TNNI3K: variants seen among roughly 807,000 people sequenced by gnomAD.
TNNI3K encodes serine/threonine-protein kinase TNNI3K.
Under a neutral mutation model 114.5 loss-of-function variants are expected in TNNI3K, and 140 were observed. The observed-to-expected ratio is 1.22, with a 90% CI of 1.07 to 1.41. TNNI3K has a LOEUF of 1.41. Among genes scored for constraint, TNNI3K ranks in the 40% most tolerant of loss-of-function variants. TNNI3K has a pLI of 0.00. For missense variants in TNNI3K, 1,125 were observed against 1,007.6 expected (o/e 1.12, Z -1.58); for synonymous variants, 347 against 347.5 (o/e 1.00, Z 0.02).
At chr1:74,291,064 G>A (rs1041126728) in intron 5 of TNNI3K, among the ~76,000 whole-genome samples, 1 of 151,534 alleles carries the variant, frequency 6.6e-6, no homozygotes, top group Non-Finnish European at 1.5e-5. Flanking sequence ...TGCATGCAAC[G>A]ACCACCAGTT....
intron 23 of TNNI3K, among the ~76,000 whole-genome samples, chr1:74,530,864 C>T (rs1646573574): frequency 6.6e-6 from 1 of 151,982 alleles, no homozygotes; most frequent in Non-Finnish European, 1.5e-5. Flanking sequence ...CTCATTTATA[C>T]CTGCTTAAAT....
At chr1:74,331,425 TA>T in intron 5 of TNNI3K, 24 bp from the exon 6 acceptor site, 2 of 1,607,704 alleles carry the variant, frequency 1.2e-6, no homozygotes, top group Non-Finnish European at 1.7e-6. Context: ...CTGAAGTTCT[TA>T]ACCATAATCA....
chr1:74,359,386 T>A (rs1661833753), intron 11 of TNNI3K, among the ~76,000 whole-genome samples: 1 of 152,002 alleles, frequency 6.6e-6, no homozygotes. Flanking sequence ...CTTTCCTAAT[T>A]TATAACATGT....
At position 74,436,524 on chromosome 1, in the gene TNNI3K, G is replaced by A. The variant is rs1387405237; in HGVS notation, c.1876G>A (p.Gly626Arg). ...LDEDNMTKQP[G>R]NLRWMAPEVF... Reference sequence around the variant, plus strand: ...TGAAGACAACATGACAAAACAACCTGGGGTTTGCTGCTGCTTGTGTTTCCT... The same window carrying A: ...TGAAGACAACATGACAAAACAACCTAGGGTTTGCTGCTGCTTGTGTTTCCT... The change falls in exon 19 of 25, where the codon GGG becomes AGG. Residue 626 changes from glycine to arginine, a missense_variant and splice_region_variant. Physicochemically the swap from Gly to Arg is moderately radical, Grantham distance 125. Coordinates refer to ENST00000326637, the MANE Select transcript of TNNI3K (RefSeq NM_015978.3). 6.3e-7 allele frequency: 1 copy of A among 1,583,966 alleles called. No homozygotes were observed. The highest frequency in any genetic ancestry group is 2.0e-5 in the Admixed American group (1 of 50,696).
chr1:74,416,289 A>G (rs1031337484), intron 17 of TNNI3K: 1 of 985,368 alleles, frequency 1.0e-6, no homozygotes, highest in Non-Finnish European at 1.2e-6. Flanking sequence ...GTGATAATAA[A>G]CTTGTATGTC....
At chr1:74,306,011 C>A (rs1002826432) in intron 5 of TNNI3K, among the ~76,000 whole-genome samples, 2 of 152,148 alleles carry the variant, frequency 1.3e-5, no homozygotes, top group Non-Finnish European at 2.9e-5. Context: ...TTGTTCACCT[C>A]CCTTATTCCT....
At chr1:74,446,129 T>C (rs1666658646) in intron 20 of TNNI3K, among the ~76,000 whole-genome samples, 1 of 152,110 alleles carries the variant, frequency 6.6e-6, no homozygotes, top group Non-Finnish European at 1.5e-5. Flanking sequence ...ACTTCCACAA[T>C]GGTTTAACTA....
At position 74,366,125 on chromosome 1, in the gene TNNI3K, G is replaced by A. The variant is rs578099817; in HGVS notation, c.1178-1131G>A. Among the ~76,000 whole-genome samples, 66 of 152,038 alleles carry A rather than the reference G, an allele frequency of 4.3e-4. No homozygotes were observed. The Middle Eastern group carries it at 0.01, about 24-fold the overall frequency. On this transcript the variant is annotated intron_variant, in intron 11 of 24. Transcript: ENST00000326637. ...ATCTCAGCATATACTCTCTACATAA[G>A]CTAGATGTATGCTTAACCCATGTTA...
At chr1:74,435,688 GT>G (rs1419280696) in intron 17 of TNNI3K, among the ~76,000 whole-genome samples, 4 of 152,010 alleles carry the variant, frequency 2.6e-5, no homozygotes, top group South Asian at 2.1e-4. Flanking sequence ...TGTGCCTAGG[GT>G]TCCAGCAAGC....
intron 17 of TNNI3K, among the ~76,000 whole-genome samples, chr1:74,380,097 A>G (rs1431431382): frequency 1.3e-5 from 2 of 152,146 alleles, no homozygotes; most frequent in Non-Finnish European, 2.9e-5. Context: ...GGACAAATTT[A>G]CCATCTCTTA....
intron 20 of TNNI3K, among the ~76,000 whole-genome samples, chr1:74,446,258 A>G (rs1295319674): frequency 6.7e-6 from 1 of 150,366 alleles, no homozygotes; most frequent in Admixed American, 6.6e-5. Flanking sequence ...GGTATCTCAT[A>G]GTGGTTTTGA....
intron 5 of TNNI3K, among the ~76,000 whole-genome samples, chr1:74,291,001 C>T (rs1657644864): frequency 6.6e-6 from 1 of 151,696 alleles, no homozygotes; most frequent in Non-Finnish European, 1.5e-5. Flanking sequence ...AATATATGCA[C>T]ACACATAAAG....
chr1:74,316,449 TCATTC>T (rs1557492865), intron 5 of TNNI3K, among the ~76,000 whole-genome samples: 1 of 152,172 alleles, frequency 6.6e-6, no homozygotes, highest in Non-Finnish European at 1.5e-5. Context: ...CTTTTTATAT[TCATTC>T]CTCTTCAACC....
intron 17 of TNNI3K, among the ~76,000 whole-genome samples, chr1:74,416,126 A>C (rs1037666317): frequency 1.3e-5 from 2 of 152,174 alleles, no homozygotes; most frequent in African/African-American, 4.8e-5. Context: ...TCACCAGAGT[A>C]TCTCTGGTTC....
chr1:74,531,417 C>G (rs1321095308), intron 23 of TNNI3K, among the ~76,000 whole-genome samples: 1 of 152,110 alleles, frequency 6.6e-6, no homozygotes, highest in Non-Finnish European at 1.5e-5. Flanking sequence ...AAGTAAATTC[C>G]TGTCTCTAAT....
chr1:74,538,989 G>A (rs1304932339), intron 23 of TNNI3K, among the ~76,000 whole-genome samples: 2 of 152,062 alleles, frequency 1.3e-5, no homozygotes, highest in Non-Finnish European at 2.9e-5. Flanking sequence ...TTTTAAGTAG[G>A]TGAATGATGT....
chr1:74,385,437 G>A (rs1663423405), intron 17 of TNNI3K, among the ~76,000 whole-genome samples: 3 of 152,134 alleles, frequency 2.0e-5, no homozygotes, highest in Non-Finnish European at 4.4e-5. Flanking sequence ...ACAAAAATGT[G>A]AAAATCTTAG....
At chr1:74,333,138 C>G in intron 6 of TNNI3K, among the ~76,000 whole-genome samples, 1 of 152,162 alleles carries the variant, frequency 6.6e-6, no homozygotes, top group East Asian at 1.9e-4. Flanking sequence ...CACAGCACCA[C>G]CTGAGGGTTC....
intron 20 of TNNI3K, among the ~76,000 whole-genome samples, chr1:74,445,217 C>T (rs1190005640): frequency 9.3e-4 from 66 of 70,628 alleles, no homozygotes; most frequent in Non-Finnish European, 1.7e-3. Context: ...TTTTTTTTTT[C>T]TTTCTTTTTT....
Sources: gnomAD v4.1 joint callset for allele counts (sites outside exome capture counted in the v4.1 genomes callset) on GRCh38, gnomAD v4.1.1 for gene constraint, MANE v1.5 for transcripts, NCBI Gene and HGNC (gene_info 2026-07-23, HGNC 2026-07-21) for gene names.